The following ANKFN1 variants were observed in gnomAD, a reference collection of about 807,000 sequenced individuals.
The protein encoded by ANKFN1 is ankyrin repeat and fibronectin type-III domain-containing protein 1.
A neutral mutation model predicts 108.7 loss-of-function variants in ANKFN1; 74 were observed. That is an observed-to-expected ratio of 0.68 (90% CI 0.56 to 0.83). The LOEUF is 0.83. Among genes scored for constraint, ANKFN1 ranks in the 40% least tolerant of loss-of-function variants. The pLI is 0.00. For synonymous variants in ANKFN1, 547 were observed against 516.2 expected, an observed-to-expected ratio of 1.06 and a Z score of -0.81; for missense variants, 1,505 against 1,382.3, an observed-to-expected ratio of 1.09 and a Z score of -1.41.
At chr17:56,186,575 A>G (rs1912234016) in intron 1 of ANKFN1, among the ~76,000 whole-genome samples, 1 of 152,182 alleles carries the variant, frequency 6.6e-6, no homozygotes, top group African/African-American at 2.4e-5. Context: ...AAAAATCTCT[A>G]AGGTCATTTT....
chr17:56,299,560 T>G (rs1015147963), intron 3 of ANKFN1, among the ~76,000 whole-genome samples: 5 of 152,214 alleles, frequency 3.3e-5, no homozygotes, highest in African/African-American at 1.2e-4. Context: ...CTCCCAAGGT[T>G]CTACAAGGCA....
chr17:56,182,801 C>T (rs1191448637), intron 1 of ANKFN1, among the ~76,000 whole-genome samples: 1 of 152,154 alleles, frequency 6.6e-6, no homozygotes, highest in African/African-American at 2.4e-5. Context: ...TGCCTGGCTT[C>T]AAAGGACAGG....
At chr17:56,186,923 C>CA (rs1215351967) in intron 1 of ANKFN1, among the ~76,000 whole-genome samples, 12 of 152,134 alleles carry the variant, frequency 7.9e-5, no homozygotes, top group African/African-American at 2.9e-4. Context: ...ACACCTTATA[C>CA]AAAAATTAAT....
At chr17:56,323,534 G>T (rs1040699237) in intron 3 of ANKFN1, 1 of 152,596 alleles carries the variant, frequency 6.6e-6, no homozygotes, top group Admixed American at 6.5e-5. Flanking sequence ...CTAGGAAGTG[G>T]GAGACAAAGT....
At chr17:56,215,747 C>G in intron 2 of ANKFN1, 1 of 152,228 alleles carries the variant, frequency 6.6e-6, no homozygotes, top group East Asian at 1.9e-4. Flanking sequence ...TCTTGAAATT[C>G]TTAATAATTT....
intron 4 of ANKFN1, among the ~76,000 whole-genome samples, chr17:56,081,819 A>G (rs1461006269): frequency 1.3e-5 from 2 of 152,156 alleles, no homozygotes; most frequent in African/African-American, 4.8e-5. Flanking sequence ...AGTTGTACAC[A>G]TACTCACCTG....
intron 3 of ANKFN1, among the ~76,000 whole-genome samples, chr17:56,313,165 G>GA (rs1022415415): frequency 2.8e-5 from 4 of 141,908 alleles, no homozygotes; most frequent in South Asian, 2.3e-4. Flanking sequence ...AAAAAAAAAA[G>GA]AAAAAAAAAC....
Position 56,097,389 on chromosome 17 carries a change from C to A in ANKFN1, c.288+51064C>A, listed in dbSNP as rs150625118. ...CCTGCCTTAGATTCCAACTTGCCTT[C>A]CTCTTACTGGACGTGTCTCTGTAGT... is the stretch of plus-strand genomic sequence containing the variant. On this transcript the variant is annotated intron_variant, in intron 4 of 12. Transcript: ENST00000635860. Among the ~76,000 whole-genome samples, 4 of 152,306 alleles carry A rather than the reference C, an allele frequency of 2.6e-5. No homozygotes were observed. The East Asian group carries it at 7.7e-4, about 29-fold the overall frequency.
At chr17:56,097,039 G>T (rs936003669) in intron 4 of ANKFN1, among the ~76,000 whole-genome samples, 1 of 152,092 alleles carries the variant, frequency 6.6e-6, no homozygotes, top group East Asian at 1.9e-4. Context: ...ACATATACTC[G>T]ATTATAAGTG....
intron 3 of ANKFN1, chr17:56,245,627 T>C (rs1415247437): frequency 2.6e-5 from 4 of 152,172 alleles, no homozygotes; most frequent in East Asian, 1.9e-4. Flanking sequence ...AATACTGTTT[T>C]ATCTGGATAA....
At chr17:56,246,811 A>G (rs1917987390) in intron 3 of ANKFN1, among the ~76,000 whole-genome samples, 1 of 152,160 alleles carries the variant, frequency 6.6e-6, no homozygotes, top group Non-Finnish European at 1.5e-5. Flanking sequence ...CTGGTACGTG[A>G]ATGTTAAAGG....
chr17:56,380,388 C>A (rs1236647796), intron 8 of ANKFN1, among the ~76,000 whole-genome samples: 2 of 152,230 alleles, frequency 1.3e-5, no homozygotes, highest in Admixed American at 1.3e-4. Flanking sequence ...GCATTTCCAT[C>A]TGAGGTACCG....
intron 6 of ANKFN1, chr17:56,368,276 C>A (rs189309395): frequency 4.7e-5 from 3 of 63,812 alleles, no homozygotes; most frequent in Non-Finnish European, 6.2e-5. Context: ...TGAAAATGAA[C>A]TTTTTTTTTT....
At chr17:56,103,314 G>A (rs112499851) in intron 4 of ANKFN1, among the ~76,000 whole-genome samples, 11 of 152,314 alleles carry the variant, frequency 7.2e-5, no homozygotes, top group African/African-American at 1.7e-4. Flanking sequence ...GATCAAAGGC[G>A]CAGGATGGAA....
chr17:56,046,765 T>C (rs1044021895), intron 4 of ANKFN1, among the ~76,000 whole-genome samples: 12 of 152,170 alleles, frequency 7.9e-5, no homozygotes, highest in African/African-American at 2.9e-4. Context: ...GACTTTTGTA[T>C]CTCTGGTTCT....
intron 1 of ANKFN1, chr17:56,156,684 T>G (rs147412753): frequency 6.6e-6 from 1 of 152,240 alleles, no homozygotes; most frequent in African/African-American, 2.4e-5. Context: ...CTGGTTAAGG[T>G]CAGGGCTGTG....
chr17:56,429,209 T>C (rs1300152549), intron 8 of ANKFN1, among the ~76,000 whole-genome samples: 1 of 152,154 alleles, frequency 6.6e-6, no homozygotes, highest in Non-Finnish European at 1.5e-5. Context: ...GATAGTGTGT[T>C]AGGGGAGAGG....
At chr17:56,320,490 G>A (rs1365058100) in intron 3 of ANKFN1, among the ~76,000 whole-genome samples, 3 of 152,286 alleles carry the variant, frequency 2.0e-5, no homozygotes, top group South Asian at 2.1e-4. Flanking sequence ...ATATAAATGG[G>A]GCTTTGTGAC....
chr17:56,215,006 C>G (rs1915320433), intron 2 of ANKFN1, among the ~76,000 whole-genome samples: 1 of 152,216 alleles, frequency 6.6e-6, no homozygotes. Flanking sequence ...AAGTCCCCAT[C>G]CACATAACTG....
Sources: gnomAD v4.1 joint callset for allele counts (sites outside exome capture counted in the v4.1 genomes callset) on GRCh38, gnomAD v4.1.1 for gene constraint, MANE v1.5 for transcripts, NCBI Gene and HGNC (gene_info 2026-07-23, HGNC 2026-07-21) for gene names.